Variants in MYO6 observed in about 807,000 individuals in gnomAD.
MYO6 encodes the protein myosin VI, also known as unconventional myosin-VI.
Under a neutral mutation model 178.7 loss-of-function variants are expected in MYO6, and 74 were observed. The ratio of observed to expected loss-of-function variants is 0.41; its 90% CI spans 0.34 to 0.50. The LOEUF (loss-of-function observed/expected upper bound fraction) is 0.50, where lower values mean the gene tolerates loss of function less well. MYO6 is among the 20% of genes least tolerant of loss of function. The pLI, the probability that MYO6 is intolerant of heterozygous loss-of-function variation, is 0.09. For synonymous variants in MYO6, 477 were observed against 504.6 expected (o/e 0.95, Z 0.73); for missense variants, 1,330 against 1,547.4 (o/e 0.86, Z 2.36).
chr6:75,911,915 T>C (rs761820885), intron 33 of MYO6, among the ~76,000 whole-genome samples: 1 of 152,030 alleles, frequency 6.6e-6, no homozygotes, highest in Non-Finnish European at 1.5e-5. Flanking sequence ...TCTAGTGAAA[T>C]TAATGTTTTA....
chr6:75,819,575 T>G (rs996196982), intron 2 of MYO6, among the ~76,000 whole-genome samples: 10 of 152,204 alleles, frequency 6.6e-5, no homozygotes, highest in Non-Finnish European at 1.2e-4. Context: ...GTAAAATAGA[T>G]TTCACATTGC....
At chr6:75,900,367 T>C (rs1779658343) in intron 30 of MYO6, among the ~76,000 whole-genome samples, 1 of 152,174 alleles carries the variant, frequency 6.6e-6, no homozygotes, top group African/African-American at 2.4e-5. Flanking sequence ...GTAAAAGTGT[T>C]CCTATTTCTC....
At chr6:75,826,920 GAAA>G (rs980185367) in intron 3 of MYO6, among the ~76,000 whole-genome samples, 1 of 146,470 alleles carries the variant, frequency 6.8e-6, no homozygotes, top group South Asian at 2.2e-4. Flanking sequence ...CTCAAAAAAA[GAAA>G]AAAAAAAGCA....
At chr6:75,831,585 A>G (rs1174041597) in intron 5 of MYO6, among the ~76,000 whole-genome samples, 1 of 152,180 alleles carries the variant, frequency 6.6e-6, no homozygotes, top group East Asian at 1.9e-4. Flanking sequence ...CGAAAAAACA[A>G]GTGTTTGGAA....
intron 20 of MYO6, among the ~76,000 whole-genome samples, chr6:75,874,995 G>A (rs1324305636): frequency 6.6e-6 from 1 of 152,152 alleles, no homozygotes; most frequent in Non-Finnish European, 1.5e-5. Context: ...TTCCTGACAT[G>A]GCGTATGCCC....
chr6:75,836,671 C>T (rs1416691568), intron 7 of MYO6, among the ~76,000 whole-genome samples: 1 of 151,818 alleles, frequency 6.6e-6, no homozygotes, highest in African/African-American at 2.4e-5. Context: ...CAACCTCTGC[C>T]TCCTGGGTTC....
At position 75,891,305 on chromosome 6, in the gene MYO6, A is replaced by C; in HGVS notation, c.2945A>C (p.Gln982Pro). The C allele has an allele frequency of 2.5e-6, 4 of 1,601,168 alleles. No homozygotes were observed. The highest frequency in any genetic ancestry group is 3.4e-6 in the Non-Finnish European group (4 of 1,170,916). The change falls in exon 27 of 35, where the codon CAA becomes CCA. Residue 982 changes from glutamine to proline, a missense_variant and splice_region_variant. By Grantham distance (76) the Gln-to-Pro change is moderately conservative (BLOSUM62 -1). Around this residue, in one of 3 missense-constraint regions of MYO6, gnomAD observed 601 missense variants for 626.1 expected, o/e 0.96. Coordinates refer to ENST00000369977, the MANE Select transcript of MYO6 (RefSeq NM_004999.4). Reference protein sequence around the residue: ...KKREDDEKRIQAEVEAQLARQ... With the variant: ...KKREDDEKRIPAEVEAQLARQ... ...AGGGAAGATGATGAAAAACGCATTC[A>C]AGTATGTACTTACTGGGTTGAATTT...
chr6:75,756,893 G>GTA (rs371732070), intron 1 of MYO6, among the ~76,000 whole-genome samples: 3,924 of 79,740 alleles, frequency 0.049, 355 homozygotes, highest in African/African-American at 0.11. Flanking sequence ...TGTTGTGTGT[G>GTA]TATATATATA....
chr6:75,902,754 T>C (rs1244576449), intron 30 of MYO6, among the ~76,000 whole-genome samples: 2 of 150,614 alleles, frequency 1.3e-5, no homozygotes, highest in Non-Finnish European at 3.0e-5. Flanking sequence ...TAGTTATTTC[T>C]TGCCTTCTGC....
intron 2 of MYO6, among the ~76,000 whole-genome samples, chr6:75,820,291 C>A (rs892414955): frequency 3.9e-5 from 6 of 152,084 alleles, no homozygotes; most frequent in African/African-American, 1.2e-4. Flanking sequence ...CTTACCATAC[C>A]CCAGGTGATG....
chr6:75,904,424 T>TTTCTTTTTA (rs374595773), intron 30 of MYO6, among the ~76,000 whole-genome samples: 18,849 of 150,374 alleles, frequency 0.13, 1,241 homozygotes, highest in Non-Finnish European at 0.15. Context: ...TCTTTGTTCG[T>TTTCTTTTTA]TTCTTTTTAT....
chr6:75,835,332 G>A (rs1773530885), intron 6 of MYO6, among the ~76,000 whole-genome samples: 1 of 152,042 alleles, frequency 6.6e-6, no homozygotes, highest in African/African-American at 2.4e-5. Flanking sequence ...TTAGATTCAG[G>A]CCACACATGT....
intron 34 of MYO6, 34 bp from the exon 35 acceptor site, chr6:75,914,779 G>C (rs1473020986): frequency 1.9e-6 from 3 of 1,599,032 alleles, no homozygotes; most frequent in Non-Finnish European, 2.6e-6. Context: ...CCTGAAGAGA[G>C]AGATGGTAAT....
At chr6:75,807,584 C>A (rs1282818189) in intron 1 of MYO6, among the ~76,000 whole-genome samples, 1 of 152,060 alleles carries the variant, frequency 6.6e-6, no homozygotes, top group Non-Finnish European at 1.5e-5. Flanking sequence ...GATCCAGACC[C>A]CAAGAGAGAG....
chr6:75,901,341 C>T (rs901994461), intron 30 of MYO6, among the ~76,000 whole-genome samples: 12 of 152,174 alleles, frequency 7.9e-5, no homozygotes, highest in South Asian at 2.1e-4. Flanking sequence ...GCCATTTTCA[C>T]GATATTGATT....
intron 30 of MYO6, among the ~76,000 whole-genome samples, chr6:75,900,435 A>G (rs1158992600): frequency 5.3e-5 from 8 of 152,168 alleles, no homozygotes; most frequent in Admixed American, 3.9e-4. Context: ...ATTCTAACTG[A>G]TGTGAGATGG....
At chr6:75,814,494 C>T (rs889563598) in intron 1 of MYO6, among the ~76,000 whole-genome samples, 1 of 152,142 alleles carries the variant, frequency 6.6e-6, no homozygotes, top group Admixed American at 6.5e-5. Context: ...ATTAAGCCAT[C>T]TTGCTCTGTC....
chr6:75,783,767 AT>A (rs1767233682), intron 1 of MYO6, among the ~76,000 whole-genome samples: 1 of 152,070 alleles, frequency 6.6e-6, no homozygotes. Context: ...AGAGTTGGAA[AT>A]TTATCATCTA....
chr6:75,839,166 T>C (rs952990937), intron 7 of MYO6, among the ~76,000 whole-genome samples: 1 of 151,988 alleles, frequency 6.6e-6, no homozygotes, highest in Non-Finnish European at 1.5e-5. Context: ...TATGACTTCA[T>C]GTTTATTTTT....
Sources: gnomAD v4.1 joint callset for allele counts (sites outside exome capture counted in the v4.1 genomes callset) on GRCh38, gnomAD v4.1.1 for gene constraint, gnomAD v4.1.1 regional missense constraint, MANE v1.5 for transcripts, NCBI Gene and HGNC (gene_info 2026-07-23, HGNC 2026-07-21) for gene names.